The following RIPPLY3 variants were observed in gnomAD, a reference collection of about 807,000 sequenced individuals.
The protein encoded by RIPPLY3 is protein ripply3.
Under a neutral mutation model 11.9 loss-of-function variants are expected in RIPPLY3, and 8 were observed. The ratio of observed to expected loss-of-function variants is 0.67; its 90% confidence interval spans 0.40 to 1.21. The LOEUF is 1.21. Ranked by LOEUF, RIPPLY3 falls within the 50% of genes most tolerant of loss-of-function variation. The pLI is 0.01. For missense variants in RIPPLY3, 271 were observed against 246.0 expected, an observed-to-expected ratio of 1.10 and a Z score of -0.68; for synonymous variants, 102 against 99.0, an observed-to-expected ratio of 1.03 and a Z score of -0.18.
chr21:37,015,466 G>A (rs1230919455), intron 3 of RIPPLY3, among the ~76,000 whole-genome samples: 1 of 152,058 alleles, frequency 6.6e-6, no homozygotes, highest in Admixed American at 6.6e-5. Context: ...CACCGCACCC[G>A]GCCATTCTGT....
intron 2 of RIPPLY3, among the ~76,000 whole-genome samples, chr21:37,008,651 AG>A (rs1375183099): frequency 6.7e-6 from 1 of 148,898 alleles, no homozygotes; most frequent in Non-Finnish European, 1.5e-5. Context: ...CCAGCTACTT[AG>A]GAGGCCGAGG....
intron 3 of RIPPLY3, among the ~76,000 whole-genome samples, chr21:37,014,455 T>G (rs867517818): frequency 1.3e-5 from 2 of 151,976 alleles, no homozygotes; most frequent in African/African-American, 2.4e-5. Flanking sequence ...CTCACTGCTG[T>G]ATCCATCTAC....
intron 2 of RIPPLY3, among the ~76,000 whole-genome samples, chr21:37,009,465 A>G (rs948837544): frequency 4.6e-5 from 7 of 152,232 alleles, no homozygotes; most frequent in African/African-American, 1.7e-4. Flanking sequence ...GAAGCAGATA[A>G]AAGATAAATC....
chr21:37,011,738 G>C (rs189232203), intron 2 of RIPPLY3, among the ~76,000 whole-genome samples: 3 of 152,002 alleles, frequency 2.0e-5, no homozygotes, highest in Admixed American at 6.6e-5. Flanking sequence ...AGGCCGAGGC[G>C]GGCGGATCAT....
intron 3 of RIPPLY3, among the ~76,000 whole-genome samples, chr21:37,016,429 C>T (rs2069579563): frequency 6.6e-6 from 1 of 152,102 alleles, no homozygotes; most frequent in South Asian, 2.1e-4. Context: ...TCCCTTTTCT[C>T]TTCTATCTGA....
At chr21:37,017,081 A>C (rs1332786817) in intron 3 of RIPPLY3, among the ~76,000 whole-genome samples, 1 of 149,956 alleles carries the variant, frequency 6.7e-6, no homozygotes, top group Non-Finnish European at 1.5e-5. Context: ...TGAACTCAGA[A>C]GGCAGAAGTT....
rs77631227 is a variant in RIPPLY3, at chr21:37,019,206, G to C, written c.*999G>C. 0.087 allele frequency: 12,879 copies of C among 147,354 alleles called. 1,132 individuals are homozygous for C. The highest frequency in any genetic ancestry group is 0.22 in the African/African-American group (8,894 of 39,608). The allele number at this position is 147,354 out of a possible 1,614,324, so 9.1% of individuals were successfully genotyped here. A position where few individuals can be genotyped will look rare whatever the true frequency, so the allele number is the denominator to read the frequency against. On this transcript the variant is annotated 3_prime_UTR_variant, in exon 4 of 4. Coordinates refer to ENST00000329553, the MANE Select transcript of RIPPLY3 (RefSeq NM_018962.3). ...TAGAACCCGGGAGGCGGAGGTTGCCGTGAGTCGAGATCGCACCATTGCATT... is the reference window on the plus strand; with the variant it reads ...TAGAACCCGGGAGGCGGAGGTTGCCCTGAGTCGAGATCGCACCATTGCATT...
At chr21:37,006,626 G>T (rs1336008700), upstream of RIPPLY3, 1 of 414,282 alleles carries the variant, frequency 2.4e-6, no homozygotes, top group Non-Finnish European at 4.0e-6. The surrounding 1 kb of genome is among the most constrained non-coding windows in gnomAD (Gnocchi z 5.2). Flanking sequence ...GAGCTCCTCG[G>T]GTCCTGCCCC....
At chr21:37,006,554 C>A (rs931783542), upstream of RIPPLY3, 3 of 357,540 alleles carry the variant, frequency 8.4e-6, no homozygotes, top group Non-Finnish European at 1.5e-5. The surrounding 1 kb of genome is among the most constrained non-coding windows in gnomAD (Gnocchi z 5.2). Context: ...TCTCTGGTCC[C>A]CTCCGCTCCT....
chr21:37,007,698 C>T (rs1040709805), intron 1 of RIPPLY3, among the ~76,000 whole-genome samples: 2 of 152,036 alleles, frequency 1.3e-5, no homozygotes, highest in Admixed American at 1.3e-4. Context: ...TGTGAGCCAC[C>T]GCGCCCAGCC....
At position 37,018,061 on chromosome 21, in the gene RIPPLY3, C is replaced by G. The variant is rs769944724; in HGVS notation, c.427C>G (p.Arg143Gly). Residue 143 changes from arginine to glycine, a missense_variant, in exon 4 of 4, where the codon CGG becomes GGG. Physicochemically the swap from Arg to Gly is moderately radical, Grantham distance 125 (BLOSUM62 -2). Transcript: ENST00000329553. The part of the protein sequence containing the change: ...LHLLPQEVGG[R>G]QENGPGGKGR... ...TCTTCTGCCCCAGGAGGTGGGAGGT[C>G]GGCAGGAAAATGGCCCAGGGGGAAA... 1 of 1,613,802 alleles carries G rather than the reference C, an allele frequency of 6.2e-7. No homozygotes were observed. The highest frequency in any genetic ancestry group is 8.5e-7 in the Non-Finnish European group (1 of 1,179,986).
At position 37,019,175 on chromosome 21, in the gene RIPPLY3, A is replaced by G. The variant is rs1203990249; in HGVS notation, c.*968A>G. On this transcript the variant is annotated 3_prime_UTR_variant, in exon 4 of 4. Transcript: ENST00000329553. ...GCTACTCGGGAGGCTGAGGCAGGAG[A>G]ATGGCTAGAACCCGGGAGGCGGAGG... 1 of 150,826 alleles carries G rather than the reference A, an allele frequency of 6.6e-6. No homozygotes were observed. The highest frequency in any genetic ancestry group is 1.5e-5 in the Non-Finnish European group (1 of 67,846). 9.3% of individuals were successfully genotyped at this position (150,826 alleles called of 1,614,324 possible).
At chr21:37,010,054 C>T (rs1289206141) in intron 2 of RIPPLY3, among the ~76,000 whole-genome samples, 2 of 152,214 alleles carry the variant, frequency 1.3e-5, no homozygotes, top group South Asian at 2.1e-4. Flanking sequence ...CAACAGCGCC[C>T]TCGCCCGACA....
rs61735126 is a variant in RIPPLY3 at position 37,018,119 on chromosome 21, G to T, written c.485G>T (p.Arg162Leu). The change falls in exon 4 of 4, where the codon CGA (arginine) becomes CTA (leucine). Residue 162 changes from arginine to leucine, a missense_variant. By Grantham distance (102) the Arg-to-Leu change is moderately radical. Transcript: ENST00000329553. ...GACCAGGGCATCAACCAAGGGCAGC[G>T]ATCCTCAGGAGGGGGTGACCACTGG... ...GRDQGINQGQ[R>L]SSGGGDHWGE... 3 of 1,614,026 alleles carry T rather than the reference G, an allele frequency of 1.9e-6. No individual in the cohort carries two copies. Among genetic ancestry groups the T allele is most frequent in the East Asian group, 4.5e-5 (2 of 44,870 alleles).
At chr21:37,006,499 C>G, upstream of RIPPLY3, 1 of 310,084 alleles carries the variant, frequency 3.2e-6, no homozygotes, top group Non-Finnish European at 5.9e-6. This position sits in a 1 kb window ranked among gnomAD's most constrained non-coding sequence, Gnocchi z 5.2. Context: ...TTGAGCTTTT[C>G]TCGTCTCCTC....
At chr21:37,012,537 A>G (rs1406577524) in intron 2 of RIPPLY3, among the ~76,000 whole-genome samples, 3 of 152,086 alleles carry the variant, frequency 2.0e-5, no homozygotes, top group Non-Finnish European at 4.4e-5. Flanking sequence ...CACCGTGCCC[A>G]GCCTGAGTTC....
At chr21:37,014,601 G>A (rs1426141737) in intron 3 of RIPPLY3, among the ~76,000 whole-genome samples, 7 of 152,126 alleles carry the variant, frequency 4.6e-5, no homozygotes, top group Non-Finnish European at 7.3e-5. Context: ...GCCTCCACCA[G>A]GTGCCTTTGC....
chr21:37,014,319 CA>C (rs894691367), intron 3 of RIPPLY3, among the ~76,000 whole-genome samples: 20 of 145,170 alleles, frequency 1.4e-4, no homozygotes, highest in Admixed American at 4.8e-4. Flanking sequence ...ACTCTGTCTC[CA>C]AAAAAAAAAA....
chr21:37,008,109 C>A, intron 1 of RIPPLY3, 48 bp from the exon 2 acceptor site: 1 of 1,595,426 alleles, frequency 6.3e-7, no homozygotes, highest in Non-Finnish European at 8.6e-7. Context: ...AGTTTGAAGG[C>A]AGCAGAAGTG....
Sources: gnomAD v4.1 joint callset for allele counts (sites outside exome capture counted in the v4.1 genomes callset) on GRCh38, gnomAD v4.1.1 for gene constraint, Gnocchi (gnomAD v3.1) non-coding constraint, MANE v1.5 for transcripts, NCBI Gene and HGNC (gene_info 2026-07-23, HGNC 2026-07-21) for gene names.